Variants in WDFY3 observed in about 807,000 individuals in gnomAD.
WDFY3 encodes the protein WD repeat and FYVE domain-containing protein 3.
Under a neutral mutation model 409.6 loss-of-function variants are expected in WDFY3, and 66 were observed. The observed-to-expected ratio is 0.16, with a 90% CI of 0.13 to 0.20. The LOEUF is 0.20. Among genes scored for constraint, WDFY3 ranks in the 10% least tolerant of loss-of-function variants. The probability of loss-of-function intolerance (pLI) is 1.00; values close to 1 mark genes in which losing one functional copy is unlikely to be tolerated. For missense variants in WDFY3, 3,031 were observed against 4,298.1 expected, an observed-to-expected ratio of 0.71 and a Z score of 8.24; for synonymous variants, 1,521 against 1,537.1, an observed-to-expected ratio of 0.99 and a Z score of 0.25.
chr4:84,799,104 T>C (rs1017230236), intron 17 of WDFY3, among the ~76,000 whole-genome samples: 8 of 152,156 alleles, frequency 5.3e-5, no homozygotes, highest in South Asian at 2.1e-4. Flanking sequence ...ATCTTGCCCT[T>C]ACTTTTTCAC....
intron 1 of WDFY3, among the ~76,000 whole-genome samples, chr4:84,949,683 A>G (rs1177587895): frequency 6.6e-6 from 1 of 152,184 alleles, no homozygotes; most frequent in Non-Finnish European, 1.5e-5. Flanking sequence ...TACTTTTGTT[A>G]TTAATATTAC....
intron 2 of WDFY3, among the ~76,000 whole-genome samples, chr4:84,910,963 A>T (rs1579089648): frequency 6.6e-6 from 1 of 150,724 alleles, no homozygotes; most frequent in South Asian, 2.1e-4. Context: ...CAGGTGATCC[A>T]CCTGCCTCGG....
At chr4:84,759,052 G>A (rs556582224) in intron 32 of WDFY3, among the ~76,000 whole-genome samples, 16 of 152,232 alleles carry the variant, frequency 1.1e-4, no homozygotes, top group African/African-American at 3.6e-4. Flanking sequence ...ACCATTTATT[G>A]AACAGGGAAT....
intron 24 of WDFY3, among the ~76,000 whole-genome samples, chr4:84,784,917 C>T (rs1560753558): frequency 1.4e-5 from 2 of 144,134 alleles, no homozygotes; most frequent in East Asian, 4.1e-4. Context: ...CACACACACA[C>T]ACATACACAC....
intron 44 of WDFY3, among the ~76,000 whole-genome samples, chr4:84,732,425 T>C (rs1736750679): frequency 6.6e-6 from 1 of 152,172 alleles, no homozygotes; most frequent in Admixed American, 6.5e-5. Context: ...AATTTTGAAA[T>C]GTACAATAGA....
intron 2 of WDFY3, among the ~76,000 whole-genome samples, chr4:84,903,509 C>G (rs988359760): frequency 4.6e-5 from 7 of 152,008 alleles, no homozygotes; most frequent in Non-Finnish European, 1.0e-4. Context: ...TGGTAGAGAT[C>G]AGGTTTCTCC....
chr4:84,754,455 T>C (rs1243928261), intron 34 of WDFY3, among the ~76,000 whole-genome samples: 1 of 152,258 alleles, frequency 6.6e-6, no homozygotes, highest in African/African-American at 2.4e-5. Context: ...TAAAACATTC[T>C]AAATTAATAC....
intron 19 of WDFY3, among the ~76,000 whole-genome samples, chr4:84,795,706 G>A (rs1188101019): frequency 6.6e-6 from 1 of 151,826 alleles, no homozygotes. Context: ...AGGTTGCAGT[G>A]AGCCAAGATC....
intron 10 of WDFY3, among the ~76,000 whole-genome samples, chr4:84,822,840 T>C (rs1754281954): frequency 6.6e-6 from 1 of 152,210 alleles, no homozygotes; most frequent in Admixed American, 6.5e-5. Context: ...TCTTGTTTAT[T>C]ACATGTATGG....
chr4:84,872,990 C>A (rs868752259), intron 3 of WDFY3, among the ~76,000 whole-genome samples: 39 of 152,218 alleles, frequency 2.6e-4, no homozygotes, highest in Middle Eastern at 3.4e-3. Flanking sequence ...GAAGACATAA[C>A]AATCCTTAAC....
intron 24 of WDFY3, among the ~76,000 whole-genome samples, chr4:84,784,093 G>A (rs945185431): frequency 3.9e-5 from 6 of 151,982 alleles, no homozygotes; most frequent in African/African-American, 1.5e-4. Flanking sequence ...GTGAATCCTT[G>A]ATCTTACAAC....
At position 84,961,140 on chromosome 4, in the gene WDFY3, G is replaced by A. The variant is rs571866245; in HGVS notation, c.-226+5069C>T. On this transcript the variant is annotated intron_variant, in intron 1 of 67. Coordinates refer to ENST00000295888, the MANE Select transcript of WDFY3 (RefSeq NM_014991.6). ...TGAGGCAGGAGAATCGCTTGAACCC[G>A]AGAGGTGGAGGCTGCAGTGAGCTGA... is the stretch of plus-strand genomic sequence containing the variant. Among the ~76,000 whole-genome samples, 7 of 151,146 alleles carry A rather than the reference G, an allele frequency of 4.6e-5. No individual in the cohort carries two copies. In the East Asian group the frequency reaches 1.4e-3, roughly 30 times the overall value.
chr4:84,832,521 A>G (rs1245335677), intron 7 of WDFY3, among the ~76,000 whole-genome samples: 2 of 152,328 alleles, frequency 1.3e-5, no homozygotes, highest in Non-Finnish European at 1.5e-5. Flanking sequence ...TAAATGTTTG[A>G]GGTGATGGAT....
intron 5 of WDFY3, chr4:84,849,685 T>G: frequency 2.2e-6 from 1 of 447,840 alleles, no homozygotes; most frequent in Non-Finnish European, 3.8e-6. Context: ...GTGGAAGTGG[T>G]AGTGGTCCAG....
chr4:84,717,020 C>T lies in WDFY3; in HGVS notation c.7755-4G>A, dbSNP rs1734056556. 1.3e-6 allele frequency: 2 copies of T among 1,567,312 alleles called. No homozygotes were observed. The highest frequency in any genetic ancestry group is 2.4e-5 in the South Asian group (2 of 82,686). On this transcript the variant is annotated splice_region_variant and splice_polypyrimidine_tract_variant and intron_variant, in intron 48 of 67. Transcript: ENST00000295888. ...AGGAATAATAGGCTCATGCATACTA[C>T]AGGCAGCCAAGAGAAAAAGCAAATA...
Position 84,918,862 on chromosome 4 carries a change from T to TAC in WDFY3, c.-132+13406_-132+13407dup, listed in dbSNP as rs558622389. 9.7e-4 allele frequency among the ~76,000 whole-genome samples: 147 copies of TAC among 150,814 alleles called. 1 individual carries two copies. The highest frequency in any genetic ancestry group is 1.7e-3 in the Non-Finnish European group (116 of 67,690). On this transcript the variant is annotated intron_variant, in intron 2 of 67. Transcript: ENST00000295888. ...ATACACACACACACATATATATATA[T>TAC]ACACACACACATGTGTACATTTTCT...
At chr4:84,721,623 G>A (rs756249649) in intron 46 of WDFY3, 51 bp from the exon 47 acceptor site, 3 of 1,588,696 alleles carry the variant, frequency 1.9e-6, no homozygotes, top group South Asian at 2.2e-5. Flanking sequence ...GACCTTGTGG[G>A]GAAGCAGTTT....
At chr4:84,945,081 T>G (rs1216917429) in intron 1 of WDFY3, among the ~76,000 whole-genome samples, 1 of 152,160 alleles carries the variant, frequency 6.6e-6, no homozygotes, top group Non-Finnish European at 1.5e-5. Flanking sequence ...TCACCAGAAT[T>G]CTGCTAACAA....
intron 44 of WDFY3, among the ~76,000 whole-genome samples, chr4:84,731,463 T>C (rs547935215): frequency 6.6e-6 from 1 of 152,332 alleles, no homozygotes; most frequent in African/African-American, 2.4e-5. Context: ...AACTATGCAG[T>C]ATGAATTCTA....
Sources: allele counts gnomAD v4.1 joint callset (sites outside exome capture counted in the v4.1 genomes callset), GRCh38; gene constraint gnomAD v4.1.1; transcripts MANE v1.5; gene names NCBI Gene and HGNC (gene_info 2026-07-23, HGNC 2026-07-21).